Variants in TAS2R14 observed in about 807,000 individuals in gnomAD.
The protein encoded by TAS2R14 is taste receptor type 2 member 14.
For missense variants in TAS2R14, 383 were observed against 372.0 expected (o/e 1.03, Z -0.24); for synonymous variants, 131 against 131.0 (o/e 1.00, Z 0.00).
exon 1 of TAS2R14, chr12:10,938,764 T>C: frequency 6.2e-7 from 1 of 1,613,830 alleles, no homozygotes; most frequent in Non-Finnish European, 8.5e-7. Flanking sequence ...TATGGATGTT[T>C]ATCAGTGCAA....
chr12:10,938,173 A>G (rs546803297), exon 1 of TAS2R14: 3 of 957,512 alleles, frequency 3.1e-6, no homozygotes, highest in African/African-American at 3.3e-5. Flanking sequence ...ACAAAGTTAT[A>G]CACAATGAAA....
chr12:10,938,339 GCCTGTCT>G (rs768922607), exon 5 of TAS2R14: 1 of 1,613,990 alleles, frequency 6.2e-7, no homozygotes. Flanking sequence ...TGACAGAGAG[GCCTGTCT>G]CAGCTTCTTG....
exon 1 of TAS2R14, chr12:10,937,616 T>C (rs1392824214): frequency 6.6e-6 from 1 of 152,168 alleles, no homozygotes; most frequent in Non-Finnish European, 1.5e-5. Flanking sequence ...ACCATTTCAT[T>C]ATACAACTGA....
chr12:10,937,896 CA>C (rs1269331194), exon 1 of TAS2R14: 1 of 170,398 alleles, frequency 5.9e-6, no homozygotes, highest in Non-Finnish European at 1.2e-5. Context: ...CTTTATCTAC[CA>C]GATTGAGATG....
intron 4 of TAS2R14, chr12:10,938,976 TG>T: frequency 4.3e-6 from 7 of 1,613,362 alleles, no homozygotes; most frequent in East Asian, 2.2e-5. Context: ...ATTTTTTCAG[TG>T]GCAAATAAAG....
chr12:10,939,121 C>CTGT, exon 1 of TAS2R14: 1 of 1,607,420 alleles, frequency 6.2e-7, no homozygotes, highest in Non-Finnish European at 8.5e-7. Context: ...TACAGTTCAC[C>CTGT]AGTGCTATGA....
At chr12:10,938,640 G>T (rs1197144102) in exon 1 of TAS2R14, 1 of 1,613,836 alleles carries the variant, frequency 6.2e-7, no homozygotes, top group Non-Finnish European at 8.5e-7. Context: ...AAAGTAAAGG[G>T]TATGAAAATG....
At chr12:10,938,672 A>G (rs778739720) in exon 1 of TAS2R14, 3 of 1,614,112 alleles carry the variant, frequency 1.9e-6, no homozygotes, top group Non-Finnish European at 2.5e-6. Flanking sequence ...GGTTAATACA[A>G]TAAGACTGGA....
chr12:10,938,794 C>G, exon 1 of TAS2R14: 2 of 1,613,178 alleles, frequency 1.2e-6, no homozygotes, highest in East Asian at 2.2e-5. Context: ...ACAAGAAGAC[C>G]GAAGTCACAA....
chr12:10,938,946 T>C lies in TAS2R14; in HGVS notation c.262A>G (p.Ile88Val), dbSNP rs751308393. ...CTAAAATGATTGATCACTGTCCAGA[T>C]ATTAGTAAGCATTCTGAACATTTTT... Residue 88 changes from isoleucine (I) to valine (V), a missense_variant, in exon 1 of 1, where the codon ATC (isoleucine) becomes GTC (valine). Ile to Val is a conservative substitution (Grantham distance 29, BLOSUM62 3). Transcript: ENST00000537503. The C allele has an allele frequency of 5.0e-6, 8 of 1,613,680 alleles. No individual in the cohort carries two copies. The East Asian group carries it at 8.9e-5, about 18-fold the overall frequency.
At chr12:10,939,036 G>T in exon 1 of TAS2R14, 1 of 1,613,796 alleles carries the variant, frequency 6.2e-7, no homozygotes, top group Non-Finnish European at 8.5e-7. Flanking sequence ...AACCAAACCA[G>T]GCTAATTCGA....
At chr12:10,938,199 A>G in exon 1 of TAS2R14, 1 of 1,197,208 alleles carries the variant, frequency 8.4e-7, no homozygotes, top group Non-Finnish European at 1.2e-6. Context: ...TTAAGGAAGT[A>G]TAAATTTATA....
chr12:10,938,582 C>T (rs145427921), exon 1 of TAS2R14: 227 of 1,613,802 alleles, frequency 1.4e-4, no homozygotes, highest in Middle Eastern at 3.3e-4. Context: ...CATCTTCTTG[C>T]GATGTTTCCA....
exon 1 of TAS2R14, chr12:10,938,406 T>C: frequency 6.2e-7 from 1 of 1,613,944 alleles, no homozygotes; most frequent in Non-Finnish European, 8.5e-7. Context: ...GCCATTCCCA[T>C]CACCTGGGAA....
In TAS2R14 at chr12:10,938,391, G is replaced by A. The variant is rs751284018; in HGVS notation, c.817C>T (p.Pro273Ser). 1.9e-6 allele frequency: 3 copies of A among 1,613,898 alleles called. No individual in the cohort carries two copies. In the African/African-American group the frequency reaches 4.0e-5, roughly 22 times the overall value. ...ATCAGAACACATGAGTGACATGAAG[G>A]ATAAGCCATTCCCATCACCTGGGAA... Residue 273 changes from proline to serine, a missense_variant, in exon 1 of 1, where the codon CCT (proline) becomes TCT (serine). Physicochemically the swap from Pro to Ser is moderately conservative, Grantham distance 74. Coordinates refer to ENST00000537503, the Ensembl canonical transcript of TAS2R14.
chr12:10,938,611 A>T, exon 1 of TAS2R14: 1 of 1,613,932 alleles, frequency 6.2e-7, no homozygotes. Context: ...AGATGAGGAG[A>T]AGAAACATTG....
At chr12:10,938,441 C>A in exon 1 of TAS2R14, 1 of 1,614,040 alleles carries the variant, frequency 6.2e-7, no homozygotes, top group South Asian at 1.1e-5. Context: ...TTCCTCCAAC[C>A]TTTCAGAGGT....
In TAS2R14 at chr12:10,939,006, C is replaced by T; in HGVS notation, c.202G>A (p.Val68Met). 1.9e-6 allele frequency: 3 copies of T among 1,613,656 alleles called. No individual in the cohort carries two copies. The South Asian group carries it at 3.3e-5, about 18-fold the overall frequency. Residue 68 changes from valine (V) to methionine (M), a missense_variant, in exon 1 of 1, where the codon GTG becomes ATG. Physicochemically the swap from Val to Met is conservative, Grantham distance 21. Transcript: ENST00000537503. ...AATAAAGCTGGGAAAAACACAGACA[C>T]ACACCAGCTTCCGAATATTAACCAA...
At chr12:10,939,085 G>A in exon 1 of TAS2R14, 1 of 1,613,988 alleles carries the variant, frequency 6.2e-7, no homozygotes, top group Non-Finnish European at 8.5e-7. Context: ...CAACCGAAGA[G>A]ATCTTTCTTC....
Sources: gnomAD v4.1 joint callset for allele counts on GRCh38, gnomAD v4.1.1 for gene constraint, MANE v1.5 for transcripts, NCBI Gene and HGNC (gene_info 2026-07-23, HGNC 2026-07-21) for gene names.